Variants in ANKS1B observed in about 807,000 individuals in gnomAD.
The protein encoded by ANKS1B is ankyrin repeat and sterile alpha motif domain-containing protein 1B.
In ANKS1B, 36 loss-of-function variants were observed where a neutral mutation model predicts 148.3. That is an observed-to-expected ratio of 0.24 (90% CI 0.19 to 0.32). The LOEUF is 0.32. ANKS1B is among the 10% of genes least tolerant of loss of function. The probability of loss-of-function intolerance (pLI) is 1.00; values close to 1 mark genes in which losing one functional copy is unlikely to be tolerated. For synonymous variants in ANKS1B, 542 were observed against 560.8 expected (o/e 0.97, Z 0.47); for missense variants, 1,157 against 1,542.6 (o/e 0.75, Z 4.19).
chr12:99,333,040 C>A (rs1037723774), intron 12 of ANKS1B, among the ~76,000 whole-genome samples: 12 of 151,958 alleles, frequency 7.9e-5, no homozygotes, highest in Non-Finnish European at 1.6e-4. Flanking sequence ...AACAAGATCA[C>A]GTTTGTGTTT....
chr12:99,171,478 G>A (rs1413028766), intron 14 of ANKS1B, among the ~76,000 whole-genome samples: 1 of 152,156 alleles, frequency 6.6e-6, no homozygotes, highest in African/African-American at 2.4e-5. Context: ...ATTTAAATAG[G>A]AAAATACTCC....
At chr12:99,849,564 AAGCATGTAC>A (rs1354812862) in intron 1 of ANKS1B, among the ~76,000 whole-genome samples, 1 of 152,186 alleles carries the variant, frequency 6.6e-6, no homozygotes, top group Non-Finnish European at 1.5e-5. Context: ...AAACATGTAC[AAGCATGTAC>A]AGCACTGTTC....
At chr12:99,510,430 A>G (rs1231750652) in intron 9 of ANKS1B, among the ~76,000 whole-genome samples, 1 of 151,904 alleles carries the variant, frequency 6.6e-6, no homozygotes, top group Non-Finnish European at 1.5e-5. Context: ...GATGAAGTTG[A>G]CTCCAACCCT....
In ANKS1B at chr12:99,923,491, A is replaced by G. The variant is rs147939859; in HGVS notation, c.134+60613T>C. 1.5e-3 allele frequency among the ~76,000 whole-genome samples: 227 copies of G among 152,336 alleles called. 8 individuals are homozygous for G. The East Asian group carries it at 0.036, about 24-fold the overall frequency. On this transcript the variant is annotated intron_variant, in intron 1 of 26. Transcript: ENST00000683438. The stretch of plus-strand genomic sequence containing the variant: ...TCACTAAAGGATTTAAAATAAGATC[A>G]TGACCAGATCTGTGTTTTAACAAAG...
chr12:99,321,084 AC>A (rs1227622132), intron 12 of ANKS1B, among the ~76,000 whole-genome samples: 7 of 152,102 alleles, frequency 4.6e-5, no homozygotes, highest in Non-Finnish European at 7.4e-5. Flanking sequence ...TCAGAGGGAC[AC>A]CCGGTTGTAT....
chr12:99,332,708 T>A (rs551849823), intron 12 of ANKS1B, among the ~76,000 whole-genome samples: 1 of 151,856 alleles, frequency 6.6e-6, no homozygotes, highest in African/African-American at 2.4e-5. Flanking sequence ...AAAAGCTTTT[T>A]TTCTTTTTTC....
chr12:99,983,232 A>C (rs1239167505), intron 1 of ANKS1B, among the ~76,000 whole-genome samples: 1 of 152,198 alleles, frequency 6.6e-6, no homozygotes, highest in Non-Finnish European at 1.5e-5. Context: ...AATACTCTCC[A>C]GGCTTCCTCC....
At chr12:99,196,348 G>C (rs2081377383) in intron 14 of ANKS1B, among the ~76,000 whole-genome samples, 1 of 152,128 alleles carries the variant, frequency 6.6e-6, no homozygotes, top group Non-Finnish European at 1.5e-5. Flanking sequence ...CTGGCTCTGT[G>C]AAGCATCTGA....
At chr12:99,298,060 C>A (rs1433058409) in intron 12 of ANKS1B, among the ~76,000 whole-genome samples, 3 of 152,148 alleles carry the variant, frequency 2.0e-5, no homozygotes, top group Admixed American at 2.0e-4. Flanking sequence ...TCTAGTCAAA[C>A]TTCCTCTTTC....
chr12:99,955,300 C>G (rs1027454875), intron 1 of ANKS1B, among the ~76,000 whole-genome samples: 2 of 151,756 alleles, frequency 1.3e-5, no homozygotes, highest in African/African-American at 4.8e-5. Context: ...CGAGACCATC[C>G]TGGCTGACAC....
At chr12:99,733,449 A>G (rs533145104) in intron 8 of ANKS1B, among the ~76,000 whole-genome samples, 1 of 152,356 alleles carries the variant, frequency 6.6e-6, no homozygotes, top group East Asian at 1.9e-4. Flanking sequence ...GGTTTGTTAC[A>G]GCATTATTAT....
At chr12:99,621,422 C>CTAAA (rs1002462501) in intron 9 of ANKS1B, among the ~76,000 whole-genome samples, 31 of 148,914 alleles carry the variant, frequency 2.1e-4, no homozygotes, top group African/African-American at 7.6e-4. Context: ...TATATATTGT[C>CTAAA]TAAATACCCC....
At chr12:99,542,375 A>G (rs2097134444) in intron 9 of ANKS1B, among the ~76,000 whole-genome samples, 1 of 152,184 alleles carries the variant, frequency 6.6e-6, no homozygotes, top group Non-Finnish European at 1.5e-5. Context: ...TGTACACTAA[A>G]AATTTAAAAA....
chr12:99,121,345 G>GTGTGTGTGTGTA, intron 15 of ANKS1B, among the ~76,000 whole-genome samples: 1 of 151,470 alleles, frequency 6.6e-6, no homozygotes, highest in East Asian at 1.9e-4. Context: ...GTGTGTGTGT[G>GTGTGTGTGTGTA]TGTGTGTGTG....
intron 1 of ANKS1B, among the ~76,000 whole-genome samples, chr12:99,863,030 G>A (rs2090242244): frequency 6.6e-6 from 1 of 152,232 alleles, no homozygotes; most frequent in African/African-American, 2.4e-5. Context: ...GGAATAGAGA[G>A]GCAATCCCAG....
intron 9 of ANKS1B, among the ~76,000 whole-genome samples, chr12:99,645,698 GT>G (rs2098355229): frequency 6.6e-6 from 1 of 152,156 alleles, no homozygotes; most frequent in Admixed American, 6.5e-5. Flanking sequence ...AGTTCAGGTA[GT>G]TTTTTATTTA....
chr12:99,334,794 G>T (rs1007296037), intron 12 of ANKS1B, among the ~76,000 whole-genome samples: 2 of 151,996 alleles, frequency 1.3e-5, no homozygotes, highest in Admixed American at 6.6e-5. Flanking sequence ...CTTTACGTAT[G>T]GAGTAAGGCA....
chr12:99,340,039 T>A (rs755011086), intron 12 of ANKS1B, among the ~76,000 whole-genome samples: 2 of 152,178 alleles, frequency 1.3e-5, no homozygotes, highest in Non-Finnish European at 2.9e-5. Context: ...TGGGGTCATA[T>A]TGACAGGAAG....
intron 14 of ANKS1B, among the ~76,000 whole-genome samples, chr12:99,213,476 C>T (rs1218297216): frequency 1.3e-5 from 2 of 152,108 alleles, no homozygotes; most frequent in South Asian, 2.1e-4. Flanking sequence ...GTCAGACTTG[C>T]TAATTGAAAA....
Sources: allele counts gnomAD v4.1 joint callset (sites outside exome capture counted in the v4.1 genomes callset), GRCh38; gene constraint gnomAD v4.1.1; transcripts MANE v1.5; gene names NCBI Gene and HGNC (gene_info 2026-07-23, HGNC 2026-07-21).